Variants in DDR2 observed in about 807,000 individuals in gnomAD.
DDR2 encodes discoidin domain-containing receptor 2.
A neutral mutation model predicts 94.9 loss-of-function variants in DDR2; 27 were observed. That is an observed-to-expected ratio of 0.28 (90% CI 0.21 to 0.39). The LOEUF (loss-of-function observed/expected upper bound fraction) is 0.39, where lower values mean the gene tolerates loss of function less well. DDR2 is among the 10% of genes least tolerant of loss of function. DDR2 has a pLI of 1.00. For synonymous variants in DDR2, 382 were observed against 377.2 expected, an observed-to-expected ratio of 1.01 and a Z score of -0.15; for missense variants, 783 against 1,076.0, an observed-to-expected ratio of 0.73 and a Z score of 3.81.
chr1:162,698,921 T>G (rs79147290), intron 2 of DDR2, among the ~76,000 whole-genome samples: 7,013 of 152,266 alleles, frequency 0.046, 200 homozygotes, highest in South Asian at 0.082. Flanking sequence ...GGAAGGCAGA[T>G]CAGCATGCCT....
rs1310364067 is a variant in DDR2, at chr1:162,783,718, T to A, written c.*3472T>A. 6.6e-6 allele frequency: 1 copy of A among 152,126 alleles called. No individual in the cohort carries two copies. The highest frequency in any genetic ancestry group is 2.4e-5 in the African/African-American group (1 of 41,422). 9.4% of individuals were successfully genotyped at this position (152,126 alleles called of 1,614,324 possible). A position where few individuals can be genotyped will look rare whatever the true frequency, so the allele number is the denominator to read the frequency against. On this transcript the variant is annotated 3_prime_UTR_variant, in exon 18 of 18. Transcript: ENST00000367921. Reference sequence around the variant, plus strand: ...GTTCAGTGTATGAAATGGAAAGGAATTTTTCAGAATTTTAAGAAAGGGGAA... The same window carrying A: ...GTTCAGTGTATGAAATGGAAAGGAAATTTTCAGAATTTTAAGAAAGGGGAA...
At chr1:162,726,266 TTTTAG>T (rs1470886888) in intron 3 of DDR2, among the ~76,000 whole-genome samples, 3 of 152,262 alleles carry the variant, frequency 2.0e-5, no homozygotes, top group Non-Finnish European at 4.4e-5. Context: ...GTCCTTTATA[TTTTAG>T]TTTAATCATT....
chr1:162,782,279 A>G lies in DDR2; in HGVS notation c.*2033A>G, dbSNP rs1647946165. The G allele has an allele frequency of 6.6e-6, 1 of 152,192 alleles. No homozygotes were observed. Among genetic ancestry groups the G allele is most frequent in the Non-Finnish European group, 1.5e-5 (1 of 68,054 alleles). The allele number at this position is 152,192 out of a possible 1,614,324, so 9.4% of individuals were successfully genotyped here. ...GGTTTTGAGGTCCTTTCTTGTTCTG[A>G]TATGTCCAGTACTCACTGGAAAATT... On this transcript the variant is annotated 3_prime_UTR_variant, in exon 18 of 18. Coordinates refer to ENST00000367921, the MANE Select transcript of DDR2 (RefSeq NM_006182.4).
At chr1:162,762,519 T>C (rs1219064754) in intron 9 of DDR2, among the ~76,000 whole-genome samples, 2 of 152,222 alleles carry the variant, frequency 1.3e-5, no homozygotes. Context: ...ACTGTCTGAA[T>C]TATTTATTTC....
intron 2 of DDR2, among the ~76,000 whole-genome samples, chr1:162,714,052 A>G (rs1661042973): frequency 6.6e-6 from 1 of 152,144 alleles, no homozygotes; most frequent in Non-Finnish European, 1.5e-5. Flanking sequence ...CTTTGTGACT[A>G]CTTGAGAGGT....
chr1:162,643,869 C>T lies in DDR2; in HGVS notation c.-192+11238C>T, dbSNP rs141761323. Reference sequence around the variant, plus strand: ...ACTAAGCCCTCATTGGGGTTGGGTACGGTTAGGGCAAGGAGAAGCCTGGGA... The same window carrying T: ...ACTAAGCCCTCATTGGGGTTGGGTATGGTTAGGGCAAGGAGAAGCCTGGGA... On this transcript the variant is annotated intron_variant, in intron 1 of 17. Transcript: ENST00000367921. Among the ~76,000 whole-genome samples the T allele has an allele frequency of 1.8e-4, 27 of 152,154 alleles. No homozygotes were observed. In the South Asian group the frequency reaches 5.2e-3, roughly 29 times the overall value.
chr1:162,704,615 T>C (rs1457123463), intron 2 of DDR2, among the ~76,000 whole-genome samples: 1 of 152,198 alleles, frequency 6.6e-6, no homozygotes, highest in Non-Finnish European at 1.5e-5. Context: ...ATGGATGGCA[T>C]GTTCTCACTG....
intron 4 of DDR2, 78 bp downstream of exon 4, chr1:162,753,275 G>C (rs374708746): frequency 1.1e-5 from 15 of 1,327,756 alleles, no homozygotes; most frequent in Admixed American, 8.8e-5. Context: ...GACCCTAGGG[G>C]CTGGGGAAGG....
At chr1:162,731,226 C>G (rs185613176) in intron 3 of DDR2, among the ~76,000 whole-genome samples, 17 of 152,184 alleles carry the variant, frequency 1.1e-4, no homozygotes, top group Non-Finnish European at 1.3e-4. Context: ...TTCATGTTAA[C>G]TAATCATGTT....
At chr1:162,726,213 G>A (rs1242846675) in intron 3 of DDR2, among the ~76,000 whole-genome samples, 1 of 152,186 alleles carries the variant, frequency 6.6e-6, no homozygotes, top group African/African-American at 2.4e-5. Context: ...ATATTGTGCT[G>A]TGATAATGGC....
chr1:162,691,136 T>G (rs1659945137), intron 2 of DDR2, among the ~76,000 whole-genome samples: 1 of 152,220 alleles, frequency 6.6e-6, no homozygotes, highest in Admixed American at 6.5e-5. Context: ...GCCCACAGGC[T>G]GCTCCTTTAG....
chr1:162,682,457 G>C (rs1047817906), intron 2 of DDR2, among the ~76,000 whole-genome samples: 8 of 152,198 alleles, frequency 5.3e-5, no homozygotes, highest in Non-Finnish European at 1.2e-4. Context: ...CTCCCAAGTG[G>C]GATTAGAGTT....
intron 1 of DDR2, among the ~76,000 whole-genome samples, chr1:162,641,955 A>T (rs1016888651): frequency 6.6e-6 from 1 of 151,946 alleles, no homozygotes; most frequent in Non-Finnish European, 1.5e-5. Context: ...ATTTATATTT[A>T]TTTATTTATT....
Position 162,752,616 on chromosome 1 carries a change from T to C in DDR2, c.83-479T>C, listed in dbSNP as rs114566927. ...CTAACCAGGGCCAAAAATGTGTGTTTGATCCCTTCATAGGTGAGTGTGTAG... is the reference window on the plus strand; with the variant it reads ...CTAACCAGGGCCAAAAATGTGTGTTCGATCCCTTCATAGGTGAGTGTGTAG... On this transcript the variant is annotated intron_variant, in intron 3 of 17. Coordinates refer to ENST00000367921, the MANE Select transcript of DDR2 (RefSeq NM_006182.4). Among the ~76,000 whole-genome samples the C allele has an allele frequency of 9.6e-3, 1,455 of 152,324 alleles. 21 individuals carry two copies. The highest frequency in any genetic ancestry group is 0.033 in the African/African-American group (1,390 of 41,556).
intron 2 of DDR2, among the ~76,000 whole-genome samples, chr1:162,661,627 A>C (rs1182626568): frequency 6.6e-6 from 1 of 152,264 alleles, no homozygotes; most frequent in East Asian, 1.9e-4. Flanking sequence ...AGAAGCTGGC[A>C]TGGAGGCATC....
intron 2 of DDR2, among the ~76,000 whole-genome samples, chr1:162,705,893 G>A (rs759613994): frequency 2.6e-5 from 4 of 152,168 alleles, no homozygotes; most frequent in African/African-American, 7.2e-5. Flanking sequence ...CTCCATAAAC[G>A]TTTATCAGTG....
At chr1:162,696,129 G>A (rs1485466504) in intron 2 of DDR2, among the ~76,000 whole-genome samples, 1 of 151,372 alleles carries the variant, frequency 6.6e-6, no homozygotes, top group African/African-American at 2.4e-5. Context: ...AGAAGTGATA[G>A]TAAATTTCAT....
At chr1:162,657,890 C>T (rs1658083506) in intron 2 of DDR2, among the ~76,000 whole-genome samples, 1 of 152,030 alleles carries the variant, frequency 6.6e-6, no homozygotes, top group South Asian at 2.1e-4. Flanking sequence ...TCTCCCTCTC[C>T]CTTCCAACGC....
intron 2 of DDR2, among the ~76,000 whole-genome samples, chr1:162,681,512 C>T (rs1011314603): frequency 6.6e-6 from 1 of 152,140 alleles, no homozygotes; most frequent in South Asian, 2.1e-4. Context: ...CTGTCACAAA[C>T]TACCATATGC....
Sources: gnomAD v4.1 joint callset for allele counts (sites outside exome capture counted in the v4.1 genomes callset) on GRCh38, gnomAD v4.1.1 for gene constraint, MANE v1.5 for transcripts, NCBI Gene and HGNC (gene_info 2026-07-23, HGNC 2026-07-21) for gene names.